The following UTS2R variants were observed in gnomAD, a reference collection of about 807,000 sequenced individuals.
UTS2R encodes urotensin 2 receptor, also known as urotensin-2 receptor.
For missense variants in UTS2R, 653 were observed against 562.2 expected, an observed-to-expected ratio of 1.16 and a Z score of -1.63; for synonymous variants, 335 against 280.9, an observed-to-expected ratio of 1.19 and a Z score of -1.93.
Position 82,375,491 on chromosome 17 carries a change from G to T in UTS2R, c.1167G>T (p.Ala389=). The part of the protein sequence containing the change: ...RPAPEGPRAP[A] ...CGCCCGAGGGTCCCAGGGCCCCGGCGTGAGCACGCGGAGGGGCGGCTGGAG... is the reference window on the plus strand; with the variant it reads ...CGCCCGAGGGTCCCAGGGCCCCGGCTTGAGCACGCGGAGGGGCGGCTGGAG... The change falls in exon 3 of 3, where the codon GCG becomes GCT. Residue 389 remains alanine, a synonymous_variant. Transcript: ENST00000313135. The T allele has an allele frequency of 1.5e-6, 2 of 1,320,520 alleles. No individual in the cohort carries two copies. Among genetic ancestry groups the T allele is most frequent in the African/African-American group, 1.5e-5 (1 of 64,786 alleles). 81.8% of individuals were successfully genotyped at this position (1,320,520 alleles called of 1,614,324 possible).
rs2052454833 is a variant in UTS2R at position 82,371,995 on chromosome 17, C to G, written c.-321C>G. ...TTGGAGCCGCGAGCGGCTGCCCCCA[C>G]GCGCGACCCCAGGCTCGGCGGGCAG... On this transcript the variant is annotated 5_prime_UTR_variant, in exon 1 of 3. Coordinates refer to ENST00000313135, the MANE Select transcript of UTS2R (RefSeq NM_018949.3). The surrounding 1 kb of genome is among the most constrained non-coding windows in gnomAD (Gnocchi z 6.3). Among the ~76,000 whole-genome samples, 1 of 152,052 alleles carries G rather than the reference C, an allele frequency of 6.6e-6. No homozygotes were observed. Among genetic ancestry groups the G allele is most frequent in the Non-Finnish European group, 1.5e-5 (1 of 67,966 alleles).
rs200769108 is a variant in UTS2R, at chr17:82,374,302, G to A, written c.-23G>A. ...TCTCAGGGAGTGTCCACCCAGCCCTGAGCCCGTCGTGAGGGGTCAGAGATG... is the reference window on the plus strand; with the variant it reads ...TCTCAGGGAGTGTCCACCCAGCCCTAAGCCCGTCGTGAGGGGTCAGAGATG... On this transcript the variant is annotated 5_prime_UTR_variant, in exon 3 of 3. Coordinates refer to ENST00000313135, the MANE Select transcript of UTS2R (RefSeq NM_018949.3). 31 of 1,527,750 alleles carry A rather than the reference G, an allele frequency of 2.0e-5. No homozygotes were observed. Among genetic ancestry groups the A allele is most frequent in the African/African-American group, 2.7e-5 (2 of 72,842 alleles). The allele number at this position is 1,527,750 out of a possible 1,614,324, so 94.6% of individuals were successfully genotyped here.
chr17:82,373,116 C>T (rs1348456626), intron 2 of UTS2R, among the ~76,000 whole-genome samples: 1 of 151,680 alleles, frequency 6.6e-6, no homozygotes, highest in Admixed American at 6.6e-5. Flanking sequence ...ATTTGCAGTT[C>T]TTCCCTATAT....
rs1420010699 is a variant in UTS2R, at chr17:82,377,329, G to GAAGGCC, written c.*1836_*1841dup. ...AGTACCCAGGGACACAAACACTGCG[G>GAAGGCC]AAGGCCGCAGGGTCCTCTGCCTAGG... On this transcript the variant is annotated 3_prime_UTR_variant, in exon 3 of 3. Transcript: ENST00000313135. 4.7e-4 allele frequency among the ~76,000 whole-genome samples: 71 copies of GAAGGCC among 152,068 alleles called. No individual in the cohort carries two copies. The highest frequency in any genetic ancestry group is 1.6e-3 in the African/African-American group (67 of 41,454).
chr17:82,375,091 C>A lies in UTS2R; in HGVS notation c.767C>A (p.Ala256Glu), dbSNP rs777790136. ...CGGGCCCGGCGGCCGGGGGCGCGCG[C>A]GCTGCGCCTGGTGCTGGGCATCGTG... ...FKRARRPGAR[A>E]LRLVLGIVLL... Residue 256 changes from alanine (A) to glutamate (E), a missense_variant, in exon 3 of 3, where the codon GCG (alanine) becomes GAG (glutamate). Transcript: ENST00000313135. 1.8e-4 allele frequency: 255 copies of A among 1,415,308 alleles called. 2 individuals carry two copies. The highest frequency in any genetic ancestry group is 1.6e-3 in the South Asian group (105 of 64,464). The allele number at this position is 1,415,308 out of a possible 1,614,324, so 87.7% of individuals were successfully genotyped here.
At position 82,375,159 on chromosome 17, in the gene UTS2R, C is replaced by T; in HGVS notation, c.835C>T (p.Leu279=). 2 of 1,541,598 alleles carry T rather than the reference C, an allele frequency of 1.3e-6. No individual in the cohort carries two copies. Among genetic ancestry groups the T allele is most frequent in the Non-Finnish European group, 8.7e-7 (1 of 1,144,526 alleles). ...ACFLPFWLWQ[L]LAQYHQAPLA... is the part of the protein sequence containing the mutation. Reference sequence around the variant, plus strand: ...CTTCCTGCCCTTCTGGCTGTGGCAGCTGCTCGCCCAGTACCACCAGGCCCC... The same window carrying T: ...CTTCCTGCCCTTCTGGCTGTGGCAGTTGCTCGCCCAGTACCACCAGGCCCC... Residue 279 remains leucine, a synonymous_variant, in exon 3 of 3, where the codon CTG becomes TTG. Transcript: ENST00000313135.
rs41367349 is a variant in UTS2R, at chr17:82,374,685, G to A, written c.361G>A (p.Val121Met). The change falls in exon 3 of 3, where the codon GTG becomes ATG. Residue 121 changes from valine to methionine, a missense_variant. By Grantham distance (21) the Val-to-Met change is conservative. Coordinates refer to ENST00000313135, the MANE Select transcript of UTS2R (RefSeq NM_018949.3). ...YVTKEWHFGDVGCRVLFGLDF... is the reference protein window; with the variant it reads ...YVTKEWHFGDMGCRVLFGLDF... The stretch of plus-strand genomic sequence containing the variant: ...CACCAAGGAGTGGCACTTCGGGGAC[G>A]TGGGCTGCCGCGTGCTCTTCGGCCT... 1.9e-6 allele frequency: 3 copies of A among 1,613,358 alleles called. No homozygotes were observed. The highest frequency in any genetic ancestry group is 1.3e-5 in the African/African-American group (1 of 75,046).
rs2052495228 is a variant in UTS2R, at chr17:82,376,257, C to T, written c.*763C>T. Among the ~76,000 whole-genome samples, 1 of 152,336 alleles carries T rather than the reference C, an allele frequency of 6.6e-6. No homozygotes were observed. Among genetic ancestry groups the T allele is most frequent in the East Asian group, 1.9e-4 (1 of 5,194 alleles). ...CTGATCAGAAAGGGAATCCAGGTCC[C>T]ACCTCACAGTAGCATTGGCAGTCTC... On this transcript the variant is annotated 3_prime_UTR_variant, in exon 3 of 3. Coordinates refer to ENST00000313135, the MANE Select transcript of UTS2R (RefSeq NM_018949.3).
At chr17:82,372,224 C>G (rs1022278584) in intron 1 of UTS2R, among the ~76,000 whole-genome samples, 177 bp downstream of exon 1, 9 of 152,206 alleles carry the variant, frequency 5.9e-5, no homozygotes, top group Admixed American at 4.6e-4. Context: ...CCCCTTCCCC[C>G]CTAGCGACCC....
rs2052453977 is a variant in UTS2R at position 82,371,868 on chromosome 17, C to G, written c.-448C>G. On this transcript the variant is annotated 5_prime_UTR_variant, in exon 1 of 3. Coordinates refer to ENST00000313135, the MANE Select transcript of UTS2R (RefSeq NM_018949.3). This position sits in a 1 kb window ranked among gnomAD's most constrained non-coding sequence, Gnocchi z 6.3. ...GACTGGCGGGCGCCCCTGCCGTGTG[C>G]TCTGGAAGCCGAGGCCACCGCGGAG... is the stretch of plus-strand genomic sequence containing the variant. 6.6e-6 allele frequency among the ~76,000 whole-genome samples: 1 copy of G among 151,596 alleles called. No individual in the cohort carries two copies. Among genetic ancestry groups the G allele is most frequent in the Admixed American group, 6.6e-5 (1 of 15,250 alleles).
At position 82,377,371 on chromosome 17, in the gene UTS2R, G is replaced by A. The variant is rs963490522; in HGVS notation, c.*1877G>A. Among the ~76,000 whole-genome samples the A allele has an allele frequency of 6.0e-5, 9 of 150,070 alleles. No homozygotes were observed. The highest frequency in any genetic ancestry group is 4.7e-4 in the Admixed American group (7 of 15,014). Reference sequence around the variant, plus strand: ...CTGCCTAGGAAAACCAGAGACCTTTGTTCACTTGTTTATCTGCTGACCTTC... The same window carrying A: ...CTGCCTAGGAAAACCAGAGACCTTTATTCACTTGTTTATCTGCTGACCTTC... On this transcript the variant is annotated 3_prime_UTR_variant, in exon 3 of 3. Coordinates refer to ENST00000313135, the MANE Select transcript of UTS2R (RefSeq NM_018949.3).
At position 82,376,450 on chromosome 17, in the gene UTS2R, C is replaced by T. The variant is rs1190318290; in HGVS notation, c.*956C>T. On this transcript the variant is annotated 3_prime_UTR_variant, in exon 3 of 3. Coordinates refer to ENST00000313135, the MANE Select transcript of UTS2R (RefSeq NM_018949.3). ...CCCCTCCCCACCCCATGGCCATGCC[C>T]AGACTACCAGCCCCTTGGGGCTCCA... 1.3e-5 allele frequency among the ~76,000 whole-genome samples: 2 copies of T among 152,076 alleles called. No individual in the cohort carries two copies. Among genetic ancestry groups the T allele is most frequent in the African/African-American group, 4.8e-5 (2 of 41,402 alleles).
chr17:82,372,744 C>T lies in UTS2R; in HGVS notation c.-122C>T, dbSNP rs187424883. ...AGTCAAGCTGCCGTGAACTTTCGCA[C>T]GCTTGTCATTTTCTGAACGTTGGCA... is the stretch of plus-strand genomic sequence containing the variant. On this transcript the variant is annotated 5_prime_UTR_variant, in exon 2 of 3. It adds an upstream start codon to the 5' untranslated region. Transcript: ENST00000313135. 6.2e-4 allele frequency among the ~76,000 whole-genome samples: 94 copies of T among 152,328 alleles called. No homozygotes were observed. Among genetic ancestry groups the T allele is most frequent in the African/African-American group, 2.0e-3 (84 of 41,570 alleles).
Position 82,375,443 on chromosome 17 carries a change from C to T in UTS2R, c.1119C>T (p.Ala373=), listed in dbSNP as rs772224394. The change falls in exon 3 of 3, where the codon GCC becomes GCT. Residue 373 remains alanine, a synonymous_variant. Coordinates refer to ENST00000313135, the MANE Select transcript of UTS2R (RefSeq NM_018949.3). ...AGCCCACTGACAGCCTCGTGCTGGC[C>T]CCAGCGGCCCCGGCCCGACCTGCGC... The part of the protein sequence containing the change: ...SPQPTDSLVL[A]PAAPARPAPE... 3 of 1,551,860 alleles carry T rather than the reference C, an allele frequency of 1.9e-6. No individual in the cohort carries two copies. The highest frequency in any genetic ancestry group is 2.6e-6 in the Non-Finnish European group (3 of 1,157,342).
chr17:82,374,560 C>T lies in UTS2R; in HGVS notation c.236C>T (p.Ser79Phe). ...NAYTLVVTCRSLRAVASMYVY... is the reference protein window; with the variant it reads ...NAYTLVVTCRFLRAVASMYVY... Reference sequence around the variant, plus strand: ...TACACGCTGGTGGTCACCTGCCGCTCCCTGCGTGCGGTGGCCTCCATGTAC... The same window carrying T: ...TACACGCTGGTGGTCACCTGCCGCTTCCTGCGTGCGGTGGCCTCCATGTAC... Residue 79 changes from serine to phenylalanine, a missense_variant, in exon 3 of 3, where the codon TCC (serine) becomes TTC (phenylalanine). Coordinates refer to ENST00000313135, the MANE Select transcript of UTS2R (RefSeq NM_018949.3). 1 of 1,594,132 alleles carries T rather than the reference C, an allele frequency of 6.3e-7. No individual in the cohort carries two copies. Among genetic ancestry groups the T allele is most frequent in the Non-Finnish European group, 8.5e-7 (1 of 1,170,912 alleles).
chr17:82,373,287 G>A (rs538922417), intron 2 of UTS2R, among the ~76,000 whole-genome samples: 12 of 152,016 alleles, frequency 7.9e-5, no homozygotes, highest in African/African-American at 2.4e-4. Context: ...TCAGCCTCCC[G>A]AGCAGCTGGG....
At position 82,376,807 on chromosome 17, in the gene UTS2R, G is replaced by C. The variant is rs1175287994; in HGVS notation, c.*1313G>C. On this transcript the variant is annotated 3_prime_UTR_variant, in exon 3 of 3. Coordinates refer to ENST00000313135, the MANE Select transcript of UTS2R (RefSeq NM_018949.3). Reference sequence around the variant, plus strand: ...TTGTCCCTCTGTTAAAATTGAAAGAGACTGATGTCAGCCGCCCCGTCTGGG... The same window carrying C: ...TTGTCCCTCTGTTAAAATTGAAAGACACTGATGTCAGCCGCCCCGTCTGGG... Among the ~76,000 whole-genome samples the C allele has an allele frequency of 2.0e-5, 3 of 152,194 alleles. No individual in the cohort carries two copies. The highest frequency in any genetic ancestry group is 4.4e-5 in the Non-Finnish European group (3 of 68,034).
At position 82,376,764 on chromosome 17, in the gene UTS2R, G is replaced by A. The variant is rs1265192309; in HGVS notation, c.*1270G>A. On this transcript the variant is annotated 3_prime_UTR_variant, in exon 3 of 3. Transcript: ENST00000313135. ...GTCGTGTTTTACTTTAAAAACAAAA[G>A]GATCCCACTCCCCGACCTTGTCCCT... Among the ~76,000 whole-genome samples, 1 of 152,232 alleles carries A rather than the reference G, an allele frequency of 6.6e-6. No homozygotes were observed. The highest frequency in any genetic ancestry group is 6.5e-5 in the Admixed American group (1 of 15,284).
At position 82,374,290 on chromosome 17, in the gene UTS2R, C is replaced by T; in HGVS notation, c.-35C>T. The T allele has an allele frequency of 6.7e-7, 1 of 1,484,908 alleles. No homozygotes were observed. The highest frequency in any genetic ancestry group is 8.9e-7 in the Non-Finnish European group (1 of 1,119,230). The allele number at this position is 1,484,908 out of a possible 1,614,324, so 92.0% of individuals were successfully genotyped here. The stretch of plus-strand genomic sequence containing the variant: ...GCCCCCGCCCCATCTCAGGGAGTGT[C>T]CACCCAGCCCTGAGCCCGTCGTGAG... On this transcript the variant is annotated 5_prime_UTR_variant, in exon 3 of 3. Coordinates refer to ENST00000313135, the MANE Select transcript of UTS2R (RefSeq NM_018949.3).
Sources: gnomAD v4.1 joint callset for allele counts (sites outside exome capture counted in the v4.1 genomes callset) on GRCh38, gnomAD v4.1.1 for gene constraint, Gnocchi (gnomAD v3.1) non-coding constraint, MANE v1.5 for transcripts, NCBI Gene and HGNC (gene_info 2026-07-23, HGNC 2026-07-21) for gene names.